Variants in CAST observed in about 807,000 individuals in gnomAD.
The protein encoded by CAST is MIR583 host.
A neutral mutation model predicts 119.6 loss-of-function variants in CAST; 76 were observed. That is an observed-to-expected ratio of 0.64 (90% CI 0.53 to 0.77). The LOEUF is 0.77. CAST is among the 30% of genes least tolerant of loss of function. The pLI is 0.00. For synonymous variants in CAST, 319 were observed against 331.6 expected (o/e 0.96, Z 0.41); for missense variants, 953 against 946.5 (o/e 1.01, Z -0.09).
intron 1 of CAST, among the ~76,000 whole-genome samples, chr5:96,565,418 A>G (rs1232336384): frequency 1.3e-5 from 2 of 152,198 alleles, no homozygotes; most frequent in African/African-American, 4.8e-5. Context: ...TAAAAAGATA[A>G]AACAAGTAGT....
chr5:96,111,425 C>T, the CAST span, among the ~76,000 whole-genome samples: 1 of 152,184 alleles, frequency 6.6e-6, no homozygotes, highest in East Asian at 1.9e-4. Context: ...TTGATTAAAT[C>T]ATTGGCCTTT....
rs184346155 is a variant in CAST, at chr5:96,761,862, C to T, written c.1834-412C>T. The T allele has an allele frequency of 1.6e-3, 250 of 155,644 alleles. 1 individual carries two copies. The highest frequency in any genetic ancestry group is 5.2e-3 in the African/African-American group (216 of 41,610). The allele number at this position is 155,644 out of a possible 1,614,324, so 9.6% of individuals were successfully genotyped here. A position where few individuals can be genotyped will look rare whatever the true frequency, so the allele number is the denominator to read the frequency against. ...ACAGGCATGCTTATTCATTGCTTTT[C>T]GCAGTATGAATTCCTAGCAACATTT... is the stretch of plus-strand genomic sequence containing the variant. On this transcript the variant is annotated intron_variant, in intron 24 of 31. Transcript: ENST00000675179.
intron 29 of CAST, chr5:96,770,259 G>A (rs974683205): frequency 4.9e-6 from 2 of 408,268 alleles, no homozygotes; most frequent in African/African-American, 4.0e-5. Context: ...GTTTTGATTA[G>A]CAAAATAAGG....
the CAST span, among the ~76,000 whole-genome samples, chr5:96,027,224 T>A: frequency 6.6e-6 from 1 of 152,098 alleles, no homozygotes; most frequent in East Asian, 1.9e-4. Flanking sequence ...TATGTCTTGA[T>A]ATAATATGCT....
At chr5:96,541,807 G>A (rs549078255) in intron 1 of CAST, among the ~76,000 whole-genome samples, 4 of 152,138 alleles carry the variant, frequency 2.6e-5, no homozygotes, top group South Asian at 4.2e-4. Context: ...TCTCATTTCC[G>A]AATTATAATG....
the CAST span, chr5:95,961,644 G>A: frequency 6.2e-7 from 1 of 1,610,698 alleles, no homozygotes. Context: ...GTACGGTGAT[G>A]TTGTCCTGCC....
chr5:96,397,797 TAG>T, the CAST span, among the ~76,000 whole-genome samples: 7,010 of 150,116 alleles, frequency 0.047, 449 homozygotes, highest in African/African-American at 0.15. Context: ...CAAATTGAAT[TAG>T]AGAGTCAAAA....
At chr5:96,619,635 A>G (rs1341639815) in intron 1 of CAST, among the ~76,000 whole-genome samples, 1 of 152,198 alleles carries the variant, frequency 6.6e-6, no homozygotes, top group East Asian at 1.9e-4. Flanking sequence ...GCGAAGGTCT[A>G]CAGCTTCACT....
chr5:96,753,750 G>C (rs150374856), intron 20 of CAST, among the ~76,000 whole-genome samples: 1 of 152,040 alleles, frequency 6.6e-6, no homozygotes, highest in Non-Finnish European at 1.5e-5. Flanking sequence ...TTTTTTCCTG[G>C]TATGCAACTT....
At chr5:96,069,944 G>T in the CAST span, among the ~76,000 whole-genome samples, 1 of 152,062 alleles carries the variant, frequency 6.6e-6, no homozygotes, top group African/African-American at 2.4e-5. Context: ...TTGAAGCCAG[G>T]AGTTTGAGAC....
In CAST at chr5:96,729,196, A is replaced by G; in HGVS notation, c.422A>G (p.Lys141Arg). The stretch of plus-strand genomic sequence containing the variant: ...AAAAAATCCCAAGAAGGAAAGCCAA[A>G]AGAACACACAGAGGTAAATGATTAT... ...HEKKSQEGKPKEHTEPKSLPK... is the reference protein window; with the variant it reads ...HEKKSQEGKPREHTEPKSLPK... The change falls in exon 7 of 32, where the codon AAA (lysine) becomes AGA (arginine). Residue 141 changes from lysine (K) to arginine (R), a missense_variant. Coordinates refer to ENST00000675179, the MANE Select transcript of CAST (RefSeq NM_001750.7). 7 of 1,583,758 alleles carry G rather than the reference A, an allele frequency of 4.4e-6. No individual in the cohort carries two copies. The highest frequency in any genetic ancestry group is 6.1e-6 in the Non-Finnish European group (7 of 1,153,202).
the CAST span, among the ~76,000 whole-genome samples, chr5:95,992,232 C>T: frequency 6.6e-6 from 1 of 152,104 alleles, no homozygotes; most frequent in African/African-American, 2.4e-5. Flanking sequence ...GATTGGAAAA[C>T]TCCGTGTTAT....
the CAST span, among the ~76,000 whole-genome samples, chr5:96,297,660 G>A: frequency 1.2e-4 from 18 of 152,304 alleles, no homozygotes; most frequent in East Asian, 7.7e-4. Flanking sequence ...CTTTGCTAGT[G>A]ACAGAGGAGG....
chr5:96,507,514 A>G, the CAST span, among the ~76,000 whole-genome samples: 7 of 150,472 alleles, frequency 4.7e-5, no homozygotes, highest in Non-Finnish European at 1.0e-4. Context: ...GGAGAGCACC[A>G]GAAGAATAGT....
chr5:96,352,262 T>C, the CAST span, among the ~76,000 whole-genome samples: 7 of 152,178 alleles, frequency 4.6e-5, no homozygotes, highest in African/African-American at 1.4e-4. Context: ...AAAAGTCTGA[T>C]GGGAAAACGT....
chr5:96,571,142 A>G (rs752030211), intron 1 of CAST, among the ~76,000 whole-genome samples: 1 of 152,210 alleles, frequency 6.6e-6, no homozygotes, highest in African/African-American at 2.4e-5. Flanking sequence ...GTCATCTGCA[A>G]TGAGTCTGAG....
chr5:96,360,583 G>T, the CAST span, among the ~76,000 whole-genome samples: 1 of 152,154 alleles, frequency 6.6e-6, no homozygotes, highest in Non-Finnish European at 1.5e-5. Flanking sequence ...CTGACGGTCA[G>T]GCTCCTCTGC....
the CAST span, among the ~76,000 whole-genome samples, chr5:96,361,917 G>A: frequency 1.4e-5 from 2 of 147,102 alleles, no homozygotes; most frequent in South Asian, 2.1e-4. Context: ...CATGTGCCAT[G>A]TTGGTGTGCT....
chr5:96,240,778 A>G, the CAST span, among the ~76,000 whole-genome samples: 2 of 124,764 alleles, frequency 1.6e-5, no homozygotes, highest in African/African-American at 6.0e-5. Flanking sequence ...AGTTAACTCT[A>G]GGAATTTATT....
Sources: gnomAD v4.1 joint callset for allele counts (sites outside exome capture counted in the v4.1 genomes callset) on GRCh38, gnomAD v4.1.1 for gene constraint, MANE v1.5 for transcripts, NCBI Gene and HGNC (gene_info 2026-07-23, HGNC 2026-07-21) for gene names.